Variants in GALNT18 observed in about 807,000 individuals in gnomAD.
The protein encoded by GALNT18 is GalNAc-transferase 18.
Under a neutral mutation model 69.5 loss-of-function variants are expected in GALNT18, and 44 were observed. The observed-to-expected ratio is 0.63, with a 90% confidence interval of 0.50 to 0.81. GALNT18 has a LOEUF of 0.81. Among genes scored for constraint, GALNT18 ranks in the 40% least tolerant of loss-of-function variants. GALNT18 has a pLI of 0.00. For synonymous variants in GALNT18, 364 were observed against 318.2 expected, an observed-to-expected ratio of 1.14 and a Z score of -1.53; for missense variants, 715 against 810.0, an observed-to-expected ratio of 0.88 and a Z score of 1.42.
At chr11:11,589,567 G>A (rs1859304548) in intron 1 of GALNT18, among the ~76,000 whole-genome samples, 1 of 149,454 alleles carries the variant, frequency 6.7e-6, no homozygotes, top group South Asian at 2.1e-4. Context: ...ACCACGAGAG[G>A]CATTCAGCAG....
At chr11:11,460,524 T>C (rs1012684650) in intron 1 of GALNT18, among the ~76,000 whole-genome samples, 1 of 152,222 alleles carries the variant, frequency 6.6e-6, no homozygotes, top group African/African-American at 2.4e-5. Context: ...CAGGTGGCCA[T>C]GAGCTGTGAA....
At chr11:11,565,719 G>A (rs1019658047) in intron 1 of GALNT18, among the ~76,000 whole-genome samples, 4 of 152,226 alleles carry the variant, frequency 2.6e-5, no homozygotes, top group African/African-American at 9.6e-5. Context: ...AAACTAGTGG[G>A]TGAGACTAAC....
intron 1 of GALNT18, among the ~76,000 whole-genome samples, chr11:11,483,659 C>G (rs1389020305): frequency 6.6e-6 from 1 of 151,800 alleles, no homozygotes; most frequent in Non-Finnish European, 1.5e-5. Context: ...TTCATAAGAC[C>G]ATTCTGAAAT....
chr11:11,384,857 A>T (rs989178086), intron 3 of GALNT18, among the ~76,000 whole-genome samples: 41 of 152,252 alleles, frequency 2.7e-4, no homozygotes, highest in African/African-American at 9.9e-4. Flanking sequence ...ACCCTTATGG[A>T]ATATCCATGC....
At chr11:11,529,757 CACA>C (rs1857602130) in intron 1 of GALNT18, among the ~76,000 whole-genome samples, 1 of 152,044 alleles carries the variant, frequency 6.6e-6, no homozygotes, top group Non-Finnish European at 1.5e-5. Context: ...CCTACGTATG[CACA>C]TGTACCTATA....
intron 3 of GALNT18, among the ~76,000 whole-genome samples, chr11:11,419,619 A>AAAAAAAG (rs1554932034): frequency 1.2e-4 from 15 of 128,450 alleles, no homozygotes; most frequent in Admixed American, 2.6e-4. Flanking sequence ...AAAAAAAAAA[A>AAAAAAAG]AAAGAAAGAA....
At chr11:11,539,614 G>T (rs918565363) in intron 1 of GALNT18, among the ~76,000 whole-genome samples, 3 of 152,144 alleles carry the variant, frequency 2.0e-5, no homozygotes, top group African/African-American at 4.8e-5. Flanking sequence ...ATGTTGAATT[G>T]CTGGGAACAC....
chr11:11,285,539 A>C (rs1849176798), intron 10 of GALNT18, among the ~76,000 whole-genome samples: 1 of 152,160 alleles, frequency 6.6e-6, no homozygotes, highest in Non-Finnish European at 1.5e-5. Context: ...GGAAGTGCTG[A>C]CTTCCATAAA....
At chr11:11,293,227 A>G in intron 9 of GALNT18, 34 bp from the exon 10 acceptor site, 1 of 1,313,298 alleles carries the variant, frequency 7.6e-7, no homozygotes, top group Non-Finnish European at 9.8e-7. Context: ...GTGTGGATAA[A>G]TGCCAATGGC....
At chr11:11,473,276 T>A (rs570335981) in intron 1 of GALNT18, among the ~76,000 whole-genome samples, 1 of 152,236 alleles carries the variant, frequency 6.6e-6, no homozygotes, top group Non-Finnish European at 1.5e-5. Context: ...GAGCTTTGGA[T>A]GAGTGAAAAT....
intron 3 of GALNT18, among the ~76,000 whole-genome samples, chr11:11,419,758 G>T (rs999997412): frequency 6.6e-6 from 1 of 152,042 alleles, no homozygotes; most frequent in African/African-American, 2.4e-5. Flanking sequence ...ACACCCTGCT[G>T]CAGGCTGCCT....
chr11:11,271,228 C>T lies in GALNT18; in HGVS notation c.1740G>A (p.Leu580=). ...GCAACACCAGCTGGAAGCCGAACTC[C>T]AGGTCGCTATTCTCCTGCAGCTCCA... ...RCLELQENSD[L]EFGFQLVLQK... The change falls in exon 11 of 11, where the codon CTG becomes CTA. Residue 580 remains leucine (L), a synonymous_variant. Coordinates refer to ENST00000227756, the MANE Select transcript of GALNT18 (RefSeq NM_198516.3). The T allele has an allele frequency of 1.2e-6, 2 of 1,614,164 alleles. No individual in the cohort carries two copies. Among genetic ancestry groups the T allele is most frequent in the Non-Finnish European group, 1.7e-6 (2 of 1,180,020 alleles).
At position 11,620,789 on chromosome 11, in the gene GALNT18, C is replaced by T. The variant is rs1425721648; in HGVS notation, c.235+570G>A. Among the ~76,000 whole-genome samples the T allele has an allele frequency of 6.6e-6, 1 of 152,174 alleles. No homozygotes were observed. Among genetic ancestry groups the T allele is most frequent in the Non-Finnish European group, 1.5e-5 (1 of 68,030 alleles). ...GCGGCTTTTCAACCACAGAGGGCTCCTTGCATTCCCTATCGCCTACCAACG... is the reference window on the plus strand; with the variant it reads ...GCGGCTTTTCAACCACAGAGGGCTCTTTGCATTCCCTATCGCCTACCAACG... On this transcript the variant is annotated intron_variant, in intron 1 of 10. Coordinates refer to ENST00000227756, the MANE Select transcript of GALNT18 (RefSeq NM_198516.3). This position sits in a 1 kb window ranked among gnomAD's most constrained non-coding sequence, Gnocchi z 6.9.
chr11:11,293,960 G>A (rs899483721), intron 9 of GALNT18, among the ~76,000 whole-genome samples: 1 of 152,162 alleles, frequency 6.6e-6, no homozygotes, highest in Admixed American at 6.5e-5. Context: ...GTGCAGAGCA[G>A]GAGGTGGCCA....
chr11:11,354,243 T>A (rs1388034705), intron 6 of GALNT18, among the ~76,000 whole-genome samples: 1 of 152,214 alleles, frequency 6.6e-6, no homozygotes, highest in Non-Finnish European at 1.5e-5. Flanking sequence ...ATCAGCATAC[T>A]GCAATAGAGT....
rs751342863 is a variant in GALNT18, at chr11:11,332,643, GTTTC to G, written c.1416+47_1416+50del. The stretch of plus-strand genomic sequence containing the variant: ...TCCCTCCTCTCCCTTTCTTCACTAT[GTTTC>G]TTTCTGTCTGTGTCTGAATGAAACC... On this transcript the variant is annotated intron_variant, in intron 8 of 10. Transcript: ENST00000227756. This position sits in a 1 kb window ranked among gnomAD's most constrained non-coding sequence, Gnocchi z 4.3. The G allele has an allele frequency of 1.9e-3, 3,008 of 1,601,528 alleles. 6 individuals are homozygous for G. The highest frequency in any genetic ancestry group is 2.4e-3 in the Non-Finnish European group (2,782 of 1,169,560).
chr11:11,279,229 T>C (rs1036959029), intron 10 of GALNT18, among the ~76,000 whole-genome samples: 8 of 152,232 alleles, frequency 5.3e-5, no homozygotes, highest in African/African-American at 1.9e-4. Context: ...AAGCTTCCTG[T>C]ACAGCCTGAA....
intron 1 of GALNT18, among the ~76,000 whole-genome samples, chr11:11,575,757 A>AG: frequency 6.6e-6 from 1 of 152,206 alleles, no homozygotes; most frequent in Non-Finnish European, 1.5e-5. Context: ...GGGAGGAGAA[A>AG]GGAGAGAAGA....
At chr11:11,420,366 A>T (rs1005846007) in intron 3 of GALNT18, among the ~76,000 whole-genome samples, 8 of 152,140 alleles carry the variant, frequency 5.3e-5, no homozygotes, top group Non-Finnish European at 7.4e-5. Context: ...TGCAGGACAG[A>T]TATGGGCAGC....
Sources: allele counts gnomAD v4.1 joint callset (sites outside exome capture counted in the v4.1 genomes callset), GRCh38; gene constraint gnomAD v4.1.1; non-coding constraint Gnocchi (gnomAD v3.1); transcripts MANE v1.5; gene names NCBI Gene and HGNC (gene_info 2026-07-23, HGNC 2026-07-21).